Variants in SMYD3 observed in about 807,000 individuals in gnomAD.
SMYD3 encodes the protein histone-lysine N-methyltransferase SMYD3.
Under a neutral mutation model 57.7 loss-of-function variants are expected in SMYD3, and 36 were observed. The ratio of observed to expected loss-of-function variants is 0.62; its 90% confidence interval spans 0.48 to 0.82. The LOEUF (loss-of-function observed/expected upper bound fraction) is 0.82, where lower values mean the gene tolerates loss of function less well. Among genes scored for constraint, SMYD3 ranks in the 40% least tolerant of loss-of-function variants. SMYD3 has a pLI of 0.00. For synonymous variants in SMYD3, 211 were observed against 195.0 expected (o/e 1.08, Z -0.68); for missense variants, 515 against 538.8 (o/e 0.96, Z 0.44).
intron 2 of SMYD3, among the ~76,000 whole-genome samples, chr1:246,351,644 T>A (rs1027733120): frequency 2.0e-5 from 3 of 152,210 alleles, no homozygotes; most frequent in Non-Finnish European, 4.4e-5. Flanking sequence ...TATGTCGATG[T>A]GTACGCTATA....
At chr1:246,474,013 A>G (rs74155513) in intron 1 of SMYD3, among the ~76,000 whole-genome samples, 4,966 of 152,346 alleles carry the variant, frequency 0.033, 223 homozygotes, top group African/African-American at 0.1. Flanking sequence ...TTCACCATAC[A>G]TAATACCTAC....
intron 5 of SMYD3, among the ~76,000 whole-genome samples, chr1:246,260,977 C>T (rs1029074673): frequency 3.3e-5 from 5 of 152,186 alleles, no homozygotes; most frequent in African/African-American, 1.2e-4. Flanking sequence ...CCAAACCCTC[C>T]CCTTAGAAGG....
chr1:245,921,326 G>A (rs78053524), intron 7 of SMYD3, among the ~76,000 whole-genome samples: 7,219 of 152,124 alleles, frequency 0.047, 309 homozygotes, highest in South Asian at 0.13. Flanking sequence ...ATACACTATT[G>A]GTGGGAATGT....
chr1:246,101,035 T>C (rs1573022935), intron 5 of SMYD3, among the ~76,000 whole-genome samples: 1 of 143,996 alleles, frequency 6.9e-6, no homozygotes, highest in Admixed American at 7.1e-5. Context: ...TTTAAATGAA[T>C]ACATCACTAG....
At chr1:245,858,692 GATTC>G (rs1009255434) in intron 9 of SMYD3, 22 bp from the exon 10 acceptor site, 7 of 1,600,466 alleles carry the variant, frequency 4.4e-6, no homozygotes, top group African/African-American at 2.7e-5. Flanking sequence ...CTTAGTTAAG[GATTC>G]ATTGTCTTCA....
At chr1:246,466,997 A>C (rs981784284) in intron 1 of SMYD3, among the ~76,000 whole-genome samples, 3 of 151,288 alleles carry the variant, frequency 2.0e-5, no homozygotes, top group Non-Finnish European at 4.4e-5. Context: ...GCAAAACCTC[A>C]TCTCTACTAA....
intron 5 of SMYD3, among the ~76,000 whole-genome samples, chr1:245,960,728 T>C (rs546706067): frequency 2.0e-5 from 1 of 49,368 alleles, no homozygotes; most frequent in African/African-American, 2.4e-4. Flanking sequence ...ACTCTGTCTC[T>C]AAATAAATAA....
intron 10 of SMYD3, among the ~76,000 whole-genome samples, chr1:245,776,880 G>C (rs1015455512): frequency 3.9e-5 from 6 of 152,206 alleles, no homozygotes; most frequent in African/African-American, 1.2e-4. Context: ...ATAAGGTTTC[G>C]TTGGGACACA....
In SMYD3 at chr1:246,039,761, G is replaced by A. The variant is rs548285215; in HGVS notation, c.532-109824C>T. On this transcript the variant is annotated intron_variant, in intron 5 of 11. Transcript: ENST00000490107. ...ATCCAGAGAAAAGCCGTGGAGAGGCGTTTTCTCAATTGATTAGGTCATGCT... is the reference window on the plus strand; with the variant it reads ...ATCCAGAGAAAAGCCGTGGAGAGGCATTTTCTCAATTGATTAGGTCATGCT... 9.5e-4 allele frequency among the ~76,000 whole-genome samples: 145 copies of A among 152,226 alleles called. 1 individual carries two copies. The highest frequency in any genetic ancestry group is 3.1e-3 in the African/African-American group (129 of 41,544).
intron 5 of SMYD3, among the ~76,000 whole-genome samples, chr1:246,313,397 G>C (rs552003190): frequency 6.6e-6 from 1 of 152,290 alleles, no homozygotes; most frequent in African/African-American, 2.4e-5. Flanking sequence ...ACACCAACCA[G>C]CAAGTCACAC....
At chr1:246,327,400 G>C in intron 4 of SMYD3, 63 bp from the exon 5 acceptor site, 1 of 1,439,622 alleles carries the variant, frequency 6.9e-7, no homozygotes, top group Non-Finnish European at 9.6e-7. Flanking sequence ...TAATTTTCAA[G>C]TGTTCAATGC....
At chr1:245,802,510 T>G (rs2047920321) in intron 10 of SMYD3, among the ~76,000 whole-genome samples, 1 of 152,220 alleles carries the variant, frequency 6.6e-6, no homozygotes, top group Non-Finnish European at 1.5e-5. Context: ...AAAAGATACA[T>G]TTTGCATTGC....
At chr1:245,968,223 C>T (rs1261902182) in intron 5 of SMYD3, among the ~76,000 whole-genome samples, 1 of 131,424 alleles carries the variant, frequency 7.6e-6, no homozygotes, top group Non-Finnish European at 1.6e-5. Context: ...AAATGGCCCC[C>T]CTCTGCTCAC....
At chr1:245,793,845 T>G (rs759985915) in intron 10 of SMYD3, among the ~76,000 whole-genome samples, 1 of 152,196 alleles carries the variant, frequency 6.6e-6, no homozygotes, top group Non-Finnish European at 1.5e-5. Flanking sequence ...CCACAAATGC[T>G]TCATCTGCCC....
intron 5 of SMYD3, among the ~76,000 whole-genome samples, chr1:246,232,230 T>C (rs1335909881): frequency 1.3e-5 from 2 of 152,080 alleles, no homozygotes. Flanking sequence ...AAAATAAAAA[T>C]CACTATTTAA....
At chr1:246,084,919 G>C (rs2060698899) in intron 5 of SMYD3, among the ~76,000 whole-genome samples, 1 of 152,014 alleles carries the variant, frequency 6.6e-6, no homozygotes. Context: ...ATATTCTTTA[G>C]AGCACATTAT....
At chr1:245,987,488 AGCCAGG>A (rs1392012685) in intron 5 of SMYD3, among the ~76,000 whole-genome samples, 5 of 152,246 alleles carry the variant, frequency 3.3e-5, no homozygotes, top group African/African-American at 1.2e-4. Flanking sequence ...AAGAAGCCAG[AGCCAGG>A]GAGGTTTAAC....
chr1:246,043,508 G>C (rs1558177416), intron 5 of SMYD3, among the ~76,000 whole-genome samples: 1 of 152,188 alleles, frequency 6.6e-6, no homozygotes, highest in Non-Finnish European at 1.5e-5. Context: ...TGGGAACACA[G>C]GAAATAACCC....
intron 5 of SMYD3, among the ~76,000 whole-genome samples, chr1:245,980,090 G>A (rs1176360319): frequency 6.6e-6 from 1 of 151,924 alleles, no homozygotes; most frequent in African/African-American, 2.4e-5. Flanking sequence ...CGGCCTCACA[G>A]ATGAGGATGC....
Sources: allele counts gnomAD v4.1 joint callset (sites outside exome capture counted in the v4.1 genomes callset), GRCh38; gene constraint gnomAD v4.1.1; transcripts MANE v1.5; gene names NCBI Gene and HGNC (gene_info 2026-07-23, HGNC 2026-07-21).